STK32B: variants seen among roughly 807,000 people sequenced by gnomAD.
STK32B encodes serine/threonine-protein kinase 32B.
STK32B carries 43 observed loss-of-function variants against 52.6 expected under a neutral mutation model. The ratio of observed to expected loss-of-function variants is 0.82; its 90% CI spans 0.64 to 1.05. STK32B has a LOEUF of 1.05. Ranked by LOEUF, STK32B falls within the 50% of genes least tolerant of loss-of-function variation. The pLI, the probability that STK32B is intolerant of heterozygous loss-of-function variation, is 0.00. For missense variants in STK32B, 621 were observed against 534.6 expected (o/e 1.16, Z -1.59); for synonymous variants, 238 against 204.3 (o/e 1.17, Z -1.41).
At chr4:5,452,710 TAA>T (rs1160591986) in intron 7 of STK32B, among the ~76,000 whole-genome samples, 1 of 152,160 alleles carries the variant, frequency 6.6e-6, no homozygotes, top group Non-Finnish European at 1.5e-5. Context: ...AGCTCAACTT[TAA>T]CAGTGAAAAT....
In STK32B at chr4:5,331,273, G is replaced by A. The variant is rs1467502143; in HGVS notation, c.314G>A (p.Gly105Glu). Residue 105 changes from glycine to glutamate, a missense_variant, in exon 4 of 12, where the codon GGA (glycine) becomes GAA (glutamate). Coordinates refer to ENST00000282908, the MANE Select transcript of STK32B (RefSeq NM_018401.3). ...DMFMVVDLLL[G>E]GDLRYHLQQN... ...TTCATGGTGGTGGACCTGCTCCTGGGAGGCGACCTGCGCTACCATCTGCAG... is the reference window on the plus strand; with the variant it reads ...TTCATGGTGGTGGACCTGCTCCTGGAAGGCGACCTGCGCTACCATCTGCAG... 2.5e-6 allele frequency: 4 copies of A among 1,613,892 alleles called. No individual in the cohort carries two copies. The highest frequency in any genetic ancestry group is 2.2e-5 in the South Asian group (2 of 91,030).
At chr4:5,433,823 A>C (rs537989104) in intron 6 of STK32B, among the ~76,000 whole-genome samples, 4 of 152,300 alleles carry the variant, frequency 2.6e-5, no homozygotes, top group African/African-American at 9.6e-5. Flanking sequence ...TATGCTTTCC[A>C]TATTTTTAGT....
At chr4:5,055,929 A>G (rs1356381366) in intron 1 of STK32B, among the ~76,000 whole-genome samples, 2 of 150,814 alleles carry the variant, frequency 1.3e-5, no homozygotes, top group Non-Finnish European at 3.0e-5. Context: ...TTTCTTGGTT[A>G]TTGTCTGTCT....
chr4:5,317,624 C>T (rs192685848), intron 3 of STK32B, among the ~76,000 whole-genome samples: 18 of 142,380 alleles, frequency 1.3e-4, no homozygotes, highest in African/African-American at 4.7e-4. Context: ...AGTGAACACT[C>T]ATGCCCTGGA....
intron 3 of STK32B, among the ~76,000 whole-genome samples, chr4:5,277,940 G>A (rs897936591): frequency 2.0e-5 from 3 of 152,160 alleles, no homozygotes; most frequent in Non-Finnish European, 4.4e-5. Context: ...GAATAAATGA[G>A]TGAGTGACCT....
At chr4:5,239,507 G>A (rs1724861370) in intron 3 of STK32B, among the ~76,000 whole-genome samples, 1 of 152,088 alleles carries the variant, frequency 6.6e-6, no homozygotes, top group Non-Finnish European at 1.5e-5. Flanking sequence ...GTGAGGTAAT[G>A]GGCTCTGGCT....
At chr4:5,497,340 A>C (rs1358756869) in intron 11 of STK32B, among the ~76,000 whole-genome samples, 1 of 152,252 alleles carries the variant, frequency 6.6e-6, no homozygotes, top group Non-Finnish European at 1.5e-5. Flanking sequence ...CAGACAGAAA[A>C]TAAACTATAT....
chr4:5,178,915 A>G (rs900397427), intron 3 of STK32B, among the ~76,000 whole-genome samples: 1 of 152,196 alleles, frequency 6.6e-6, no homozygotes, highest in Non-Finnish European at 1.5e-5. Context: ...AATCTGTTGC[A>G]ACCTCTGCCT....
rs188760110 is a variant in STK32B, at chr4:5,178,612, C to T, written c.260+10162C>T. On this transcript the variant is annotated intron_variant, in intron 3 of 11. Coordinates refer to ENST00000282908, the MANE Select transcript of STK32B (RefSeq NM_018401.3). Reference sequence around the variant, plus strand: ...TTTCCAAACGTTTATGCTCTGCATCCTCTTGAACATTTTGCTGCTTAGAAA... The same window carrying T: ...TTTCCAAACGTTTATGCTCTGCATCTTCTTGAACATTTTGCTGCTTAGAAA... 5.3e-5 allele frequency among the ~76,000 whole-genome samples: 8 copies of T among 152,336 alleles called. No homozygotes were observed. In the East Asian group the frequency reaches 1.5e-3, roughly 29 times the overall value.
intron 3 of STK32B, among the ~76,000 whole-genome samples, chr4:5,307,569 T>A (rs1042798759): frequency 2.0e-5 from 3 of 149,302 alleles, no homozygotes; most frequent in African/African-American, 7.6e-5. Context: ...TTTTTTAGGT[T>A]GAACTTCACC....
At chr4:5,468,974 C>A (rs1044460448) in intron 11 of STK32B, among the ~76,000 whole-genome samples, 60 of 150,690 alleles carry the variant, frequency 4.0e-4, no homozygotes, top group Admixed American at 4.0e-3. Flanking sequence ...GGTGTGAACC[C>A]GGGAGGCAGA....
chr4:5,252,906 T>C (rs1726038243), intron 3 of STK32B, among the ~76,000 whole-genome samples: 1 of 152,152 alleles, frequency 6.6e-6, no homozygotes, highest in Non-Finnish European at 1.5e-5. Context: ...TTCTCTCCCC[T>C]TGTCTCACCA....
At chr4:5,154,894 A>G (rs1717672763) in intron 2 of STK32B, among the ~76,000 whole-genome samples, 1 of 152,172 alleles carries the variant, frequency 6.6e-6, no homozygotes, top group African/African-American at 2.4e-5. Flanking sequence ...GGATGTGCGC[A>G]AATCATGAAT....
chr4:5,155,580 G>A (rs903933103), intron 2 of STK32B, among the ~76,000 whole-genome samples: 4 of 152,120 alleles, frequency 2.6e-5, no homozygotes, highest in African/African-American at 9.7e-5. Context: ...ATCTCGAATT[G>A]TAATCCCTAC....
chr4:5,486,360 C>A (rs184232704), intron 11 of STK32B, among the ~76,000 whole-genome samples: 72 of 152,190 alleles, frequency 4.7e-4, no homozygotes, highest in African/African-American at 1.6e-3. Context: ...ATGAGCGAGG[C>A]TCCGTGGGTG....
intron 3 of STK32B, among the ~76,000 whole-genome samples, chr4:5,280,398 CA>C (rs1284416904): frequency 1.3e-5 from 2 of 152,176 alleles, no homozygotes; most frequent in African/African-American, 2.4e-5. Context: ...AAGCATTCAA[CA>C]AGTCTCTAGG....
chr4:5,059,830 T>G (rs189570389), intron 1 of STK32B, among the ~76,000 whole-genome samples: 3 of 152,294 alleles, frequency 2.0e-5, no homozygotes, highest in Non-Finnish European at 2.9e-5. Flanking sequence ...AATAATACTC[T>G]ACAAACACTA....
At chr4:5,256,419 G>C (rs1195406235) in intron 3 of STK32B, among the ~76,000 whole-genome samples, 1 of 152,210 alleles carries the variant, frequency 6.6e-6, no homozygotes, top group Non-Finnish European at 1.5e-5. Flanking sequence ...TCTGGAAGGA[G>C]TTTGGTACTT....
intron 3 of STK32B, among the ~76,000 whole-genome samples, chr4:5,243,573 C>T (rs1725204332): frequency 6.6e-6 from 1 of 152,086 alleles, no homozygotes; most frequent in Admixed American, 6.6e-5. Flanking sequence ...CCCTTATTTC[C>T]TTCTCCTGCC....
Sources: allele counts gnomAD v4.1 joint callset (sites outside exome capture counted in the v4.1 genomes callset), GRCh38; gene constraint gnomAD v4.1.1; transcripts MANE v1.5; gene names NCBI Gene and HGNC (gene_info 2026-07-23, HGNC 2026-07-21).